IL23R: variants seen among roughly 807,000 people sequenced by gnomAD.
IL23R encodes the protein interleukin-23 receptor.
Under a neutral mutation model 56.9 loss-of-function variants are expected in IL23R, and 34 were observed. The observed-to-expected ratio is 0.60, with a 90% CI of 0.45 to 0.80. The LOEUF is 0.80. Among genes scored for constraint, IL23R ranks in the 30% least tolerant of loss-of-function variants. The pLI is 0.00. For missense variants in IL23R, 635 were observed against 730.0 expected, an observed-to-expected ratio of 0.87 and a Z score of 1.50; for synonymous variants, 230 against 249.2, an observed-to-expected ratio of 0.92 and a Z score of 0.73.
Position 67,258,891 on chromosome 1 carries a change from CAT to C in IL23R, c.1656_1657del (p.Leu553LysfsTer9). On this transcript the variant is annotated frameshift_variant, in exon 11 of 11. Transcript: ENST00000347310. LOFTEE classifies it low-confidence loss of function (END_TRUNC). ...CAATATTTCTTGGAGAATTAAGCCT[CAT>C]ATTAAATCAAGGAGAATGCAGTTCT... ...NTIFLGELSLILNQGECSSPD... is the reference protein window; with the variant it reads ...NTIFLGELSLXLNQGECSSPD... 1 of 1,614,052 alleles carries C rather than the reference CAT, an allele frequency of 6.2e-7. No individual in the cohort carries two copies. The highest frequency in any genetic ancestry group is 1.1e-5 in the South Asian group (1 of 91,084).
intron 7 of IL23R, among the ~76,000 whole-genome samples, chr1:67,228,019 TTCC>T (rs72414306): frequency 0.058 from 4,327 of 74,816 alleles, 740 homozygotes; most frequent in Admixed American, 0.11. Context: ...TCTTTCTTTC[TTCC>T]TTTCTTTCTT....
At chr1:67,245,252 C>T (rs1652140592) in intron 9 of IL23R, among the ~76,000 whole-genome samples, 1 of 151,830 alleles carries the variant, frequency 6.6e-6, no homozygotes, top group Non-Finnish European at 1.5e-5. Flanking sequence ...GTCATGTCAT[C>T]TGCAGAGACA....
At chr1:67,180,036 C>T (rs999940838) in intron 3 of IL23R, among the ~76,000 whole-genome samples, 10 of 151,778 alleles carry the variant, frequency 6.6e-5, no homozygotes, top group East Asian at 1.9e-4. Context: ...ACTTTACTTC[C>T]GACTATGTGG....
At chr1:67,260,737 T>G (rs1406436495), downstream of IL23R, among the ~76,000 whole-genome samples, 1 of 152,144 alleles carries the variant, frequency 6.6e-6, no homozygotes, top group Admixed American at 6.5e-5. Context: ...CAGAACAGTT[T>G]AAAATAGGGT....
intron 3 of IL23R, among the ~76,000 whole-genome samples, chr1:67,182,470 C>T (rs990321122): frequency 6.6e-6 from 1 of 152,216 alleles, no homozygotes; most frequent in Non-Finnish European, 1.5e-5. Context: ...GTGCCATTTG[C>T]TGAGACTGTC....
At chr1:67,174,507 C>T (rs111766980) in intron 3 of IL23R, among the ~76,000 whole-genome samples, 3,238 of 151,888 alleles carry the variant, frequency 0.021, 101 homozygotes, top group African/African-American at 0.074. Context: ...TAACTTCAGA[C>T]GCATAAATGT....
At chr1:67,217,002 T>TG (rs1649886306) in intron 6 of IL23R, among the ~76,000 whole-genome samples, 1 of 152,198 alleles carries the variant, frequency 6.6e-6, no homozygotes, top group Admixed American at 6.5e-5. Context: ...TAGACACTGG[T>TG]GGGTTACCAA....
intron 3 of IL23R, among the ~76,000 whole-genome samples, chr1:67,177,498 T>C (rs1453577400): frequency 6.6e-6 from 1 of 151,898 alleles, no homozygotes; most frequent in Non-Finnish European, 1.5e-5. Flanking sequence ...GTTTGAGTTC[T>C]TTGTAGATTC....
intron 3 of IL23R, among the ~76,000 whole-genome samples, chr1:67,180,112 G>A (rs573727808): frequency 1.4e-4 from 21 of 152,314 alleles, no homozygotes; most frequent in African/African-American, 4.6e-4. Flanking sequence ...AGGGTGGAGA[G>A]TTCTGTAGAT....
intron 3 of IL23R, 125 bp from the exon 4 acceptor site, chr1:67,182,711 T>A: frequency 1.0e-6 from 1 of 967,626 alleles, no homozygotes; most frequent in Non-Finnish European, 1.6e-6. Flanking sequence ...AAGAAATCGT[T>A]CGTCTTCTGC....
At chr1:67,260,960 A>G (rs1438978894), downstream of IL23R, among the ~76,000 whole-genome samples, 1 of 152,168 alleles carries the variant, frequency 6.6e-6, no homozygotes, top group African/African-American at 2.4e-5. Flanking sequence ...TTCTCCTCCA[A>G]CAGTTGTCAA....
At chr1:67,228,107 TCTC>T (rs1650831571) in intron 7 of IL23R, among the ~76,000 whole-genome samples, 1 of 48,526 alleles carries the variant, frequency 2.1e-5, no homozygotes, top group Non-Finnish European at 4.5e-5. Context: ...TCTTTCTTTC[TCTC>T]TCTTTCTTTC....
chr1:67,142,798 C>T (rs1423374895), intron 1 of IL23R, among the ~76,000 whole-genome samples: 1 of 152,106 alleles, frequency 6.6e-6, no homozygotes, highest in Non-Finnish European at 1.5e-5. Context: ...GAACTCCTGA[C>T]CTCAGGTGAT....
intron 4 of IL23R, among the ~76,000 whole-genome samples, chr1:67,191,174 C>T (rs1647713918): frequency 6.6e-6 from 1 of 152,190 alleles, no homozygotes; most frequent in Non-Finnish European, 1.5e-5. Flanking sequence ...AAGTCACTGT[C>T]TTGCTAAGCC....
intron 1 of IL23R, among the ~76,000 whole-genome samples, chr1:67,157,060 G>T (rs1388758463): frequency 1.3e-5 from 2 of 152,124 alleles, no homozygotes; most frequent in African/African-American, 2.4e-5. Flanking sequence ...ACGTCCCTCT[G>T]CTCCATGCAC....
intron 1 of IL23R, among the ~76,000 whole-genome samples, chr1:67,151,116 A>G (rs922216299): frequency 2.0e-5 from 3 of 152,002 alleles, no homozygotes; most frequent in Admixed American, 2.0e-4. Context: ...ACCAGCATCT[A>G]TTGTTTCTTG....
intron 3 of IL23R, among the ~76,000 whole-genome samples, chr1:67,172,537 A>C (rs1276178163): frequency 1.3e-5 from 2 of 152,220 alleles, no homozygotes; most frequent in African/African-American, 4.8e-5. Flanking sequence ...AATTTGTTCT[A>C]ATCAGGCCAC....
At chr1:67,239,396 G>T (rs1339067384) in intron 8 of IL23R, among the ~76,000 whole-genome samples, 1 of 152,006 alleles carries the variant, frequency 6.6e-6, no homozygotes, top group African/African-American at 2.4e-5. Context: ...CCCAAGTAGC[G>T]GGGACTACAG....
At chr1:67,174,646 T>A (rs936963185) in intron 3 of IL23R, among the ~76,000 whole-genome samples, 10 of 152,074 alleles carry the variant, frequency 6.6e-5, no homozygotes, top group African/African-American at 1.9e-4. Flanking sequence ...AGTGAATATT[T>A]AACAAACACT....
Sources: allele counts gnomAD v4.1 joint callset (sites outside exome capture counted in the v4.1 genomes callset), GRCh38; gene constraint gnomAD v4.1.1; transcripts MANE v1.5; gene names NCBI Gene and HGNC (gene_info 2026-07-23, HGNC 2026-07-21).